Variants in GLRB observed in about 807,000 individuals in gnomAD.
GLRB encodes the protein glycine receptor beta.
GLRB carries 33 observed loss-of-function variants against 54.2 expected under a neutral mutation model. The ratio of observed to expected loss-of-function variants is 0.61; its 90% CI spans 0.46 to 0.81. The LOEUF is 0.81. GLRB is among the 40% of genes least tolerant of loss of function. The pLI, the probability that GLRB is intolerant of heterozygous loss-of-function variation, is 0.00. For missense variants in GLRB, 572 were observed against 584.6 expected (o/e 0.98, Z 0.22); for synonymous variants, 209 against 208.2 (o/e 1.00, Z -0.03).
intron 2 of GLRB, among the ~76,000 whole-genome samples, chr4:157,087,165 A>T (rs1734441229): frequency 6.6e-6 from 1 of 152,162 alleles, no homozygotes. Flanking sequence ...GACAAATCCT[A>T]AATTAATTTT....
intron 2 of GLRB, chr4:157,084,563 T>A (rs1480926387): frequency 2.2e-6 from 1 of 455,690 alleles, no homozygotes; most frequent in Non-Finnish European, 4.4e-6. Context: ...GTGTGTGTGT[T>A]GAGAAAATGT....
intron 9 of GLRB, among the ~76,000 whole-genome samples, chr4:157,155,561 G>A (rs1422231568): frequency 6.6e-6 from 1 of 152,140 alleles, no homozygotes; most frequent in East Asian, 1.9e-4. Context: ...AGGATTGTAA[G>A]GTTACAATTC....
At chr4:157,110,662 G>A (rs761203776) in intron 2 of GLRB, among the ~76,000 whole-genome samples, 5 of 151,830 alleles carry the variant, frequency 3.3e-5, no homozygotes. Context: ...CCTTTGTTTG[G>A]ATCATGTTTG....
At chr4:157,090,846 G>A (rs888146900) in intron 2 of GLRB, among the ~76,000 whole-genome samples, 2 of 152,044 alleles carry the variant, frequency 1.3e-5, no homozygotes, top group African/African-American at 4.8e-5. Context: ...TGTGAGTGTT[G>A]GAAAGCTGTC....
chr4:157,105,536 T>G (rs2126492830), intron 2 of GLRB, among the ~76,000 whole-genome samples: 1 of 152,180 alleles, frequency 6.6e-6, no homozygotes, highest in East Asian at 1.9e-4. Flanking sequence ...TATATTTGGT[T>G]TATAATATTG....
At chr4:157,164,720 G>T (rs1349297286) in intron 9 of GLRB, among the ~76,000 whole-genome samples, 2 of 152,116 alleles carry the variant, frequency 1.3e-5, no homozygotes, top group Admixed American at 1.3e-4. Flanking sequence ...TCAAGTAGGG[G>T]TACTGATAGA....
intron 9 of GLRB, among the ~76,000 whole-genome samples, chr4:157,155,757 A>G (rs556706905): frequency 2.7e-4 from 41 of 152,140 alleles, no homozygotes; most frequent in African/African-American, 9.9e-4. Flanking sequence ...TAATTATGAC[A>G]TGTCTCTGTG....
At chr4:157,151,306 C>T (rs991121768) in intron 8 of GLRB, among the ~76,000 whole-genome samples, 5 of 152,056 alleles carry the variant, frequency 3.3e-5, no homozygotes, top group East Asian at 3.9e-4. Context: ...AAGTTAATTC[C>T]CATGGCTATA....
At chr4:157,127,140 T>C (rs1205412665) in intron 4 of GLRB, among the ~76,000 whole-genome samples, 2 of 151,742 alleles carry the variant, frequency 1.3e-5, no homozygotes, top group Non-Finnish European at 2.9e-5. Flanking sequence ...TTTAAAACAA[T>C]TTTATTTTAT....
chr4:157,145,387 G>A (rs1293362064), intron 8 of GLRB, among the ~76,000 whole-genome samples: 1 of 152,012 alleles, frequency 6.6e-6, no homozygotes, highest in Non-Finnish European at 1.5e-5. Flanking sequence ...ATGTCAATAG[G>A]GATGATAAAA....
intron 4 of GLRB, among the ~76,000 whole-genome samples, chr4:157,124,486 A>G (rs891973972): frequency 2.6e-5 from 4 of 151,868 alleles, no homozygotes; most frequent in Non-Finnish European, 5.9e-5. Context: ...TTTCCATAAA[A>G]TACAGAAGAC....
At chr4:157,087,400 T>C (rs1340710362) in intron 2 of GLRB, among the ~76,000 whole-genome samples, 1 of 152,152 alleles carries the variant, frequency 6.6e-6, no homozygotes, top group Non-Finnish European at 1.5e-5. Context: ...CTCATTTGTA[T>C]AGTGAAAAGT....
intron 2 of GLRB, among the ~76,000 whole-genome samples, chr4:157,112,634 G>C (rs1735464008): frequency 1.3e-5 from 2 of 151,878 alleles, no homozygotes; most frequent in African/African-American, 4.8e-5. Flanking sequence ...AGGAACAGTG[G>C]GGTTGCAACT....
In GLRB at chr4:157,089,937, A is replaced by T. The variant is rs187722862; in HGVS notation, c.122+11791A>T. Reference sequence around the variant, plus strand: ...TCCTTCATGCCCTTTCACTTTCATCATCTCATCAATTACTCATTCTGTTGA... The same window carrying T: ...TCCTTCATGCCCTTTCACTTTCATCTTCTCATCAATTACTCATTCTGTTGA... On this transcript the variant is annotated intron_variant, in intron 2 of 9. Coordinates refer to ENST00000264428, the MANE Select transcript of GLRB (RefSeq NM_000824.5). 1.5e-4 allele frequency among the ~76,000 whole-genome samples: 23 copies of T among 152,312 alleles called. No individual in the cohort carries two copies. The East Asian group carries it at 4.4e-3, about 29-fold the overall frequency.
intron 6 of GLRB, among the ~76,000 whole-genome samples, chr4:157,137,868 T>C (rs900452925): frequency 2.0e-5 from 3 of 152,200 alleles, no homozygotes; most frequent in African/African-American, 7.2e-5. Context: ...AATATTACTT[T>C]CAAAAATACA....
At chr4:157,138,414 T>C (rs1430621458) in intron 6 of GLRB, among the ~76,000 whole-genome samples, 1 of 152,178 alleles carries the variant, frequency 6.6e-6, no homozygotes, top group Non-Finnish European at 1.5e-5. Flanking sequence ...TGATTACATT[T>C]CTTTTAAAAA....
intron 2 of GLRB, among the ~76,000 whole-genome samples, chr4:157,083,369 G>T (rs1160446010): frequency 6.7e-6 from 1 of 150,162 alleles, no homozygotes; most frequent in African/African-American, 2.5e-5. Flanking sequence ...GAAGCTACGG[G>T]GAGGGATATT....
At chr4:157,077,410 T>C (rs1034435217) in intron 1 of GLRB, among the ~76,000 whole-genome samples, 1 of 152,110 alleles carries the variant, frequency 6.6e-6, no homozygotes, top group African/African-American at 2.4e-5. Flanking sequence ...GCCAATGTAA[T>C]GTGTTTAAAT....
chr4:157,147,573 G>A (rs1398147942), intron 8 of GLRB, among the ~76,000 whole-genome samples: 2 of 152,116 alleles, frequency 1.3e-5, no homozygotes, highest in Non-Finnish European at 2.9e-5. Flanking sequence ...TCAAGAAAGT[G>A]TTTTTCATTT....
Sources: allele counts gnomAD v4.1 joint callset (sites outside exome capture counted in the v4.1 genomes callset), GRCh38; gene constraint gnomAD v4.1.1; transcripts MANE v1.5; gene names NCBI Gene and HGNC (gene_info 2026-07-23, HGNC 2026-07-21).